The following CSMD1 variants were observed in gnomAD, a reference collection of about 807,000 sequenced individuals.
CSMD1 encodes CUB and sushi domain-containing protein 1.
CSMD1 carries 213 observed loss-of-function variants against 417.5 expected under a neutral mutation model. The ratio of observed to expected loss-of-function variants is 0.51; its 90% CI spans 0.46 to 0.57. The LOEUF (loss-of-function observed/expected upper bound fraction) is 0.57, where lower values mean the gene tolerates loss of function less well. Among genes scored for constraint, CSMD1 ranks in the 20% least tolerant of loss-of-function variants. The pLI is 0.00. For synonymous variants in CSMD1, 2,862 were observed against 1,736.8 expected (o/e 1.65, Z -16.11); for missense variants, 6,923 against 4,529.7 (o/e 1.53, Z -15.17).
intron 5 of CSMD1, among the ~76,000 whole-genome samples, chr8:3,898,643 T>A (rs1463435840): frequency 6.6e-6 from 1 of 152,214 alleles, no homozygotes; most frequent in Non-Finnish European, 1.5e-5. Context: ...TCACTCATTT[T>A]GAATCCACAT....
At chr8:3,674,001 C>T (rs1022871333) in intron 7 of CSMD1, among the ~76,000 whole-genome samples, 1 of 152,078 alleles carries the variant, frequency 6.6e-6, no homozygotes, top group Non-Finnish European at 1.5e-5. Context: ...GCCTGTGGTC[C>T]CAGCCACTGT....
At chr8:3,929,394 G>A (rs550928361) in intron 5 of CSMD1, among the ~76,000 whole-genome samples, 3 of 150,424 alleles carry the variant, frequency 2.0e-5, no homozygotes, top group South Asian at 2.1e-4. Flanking sequence ...CACAGCCAAG[G>A]GTGACAATGT....
rs1317415112 is a variant in CSMD1 at position 4,361,295 on chromosome 8, A to G, written c.415+58658T>C. Among the ~76,000 whole-genome samples the G allele has an allele frequency of 1.1e-4, 17 of 152,224 alleles. 1 individual carries two copies. The highest frequency in any genetic ancestry group is 1.1e-3 in the Admixed American group (17 of 15,286). On this transcript the variant is annotated intron_variant, in intron 3 of 69. Coordinates refer to ENST00000635120, the MANE Select transcript of CSMD1 (RefSeq NM_033225.6). ...ACTACTTACTCATAAATAATACAAG[A>G]TAAAGAAACTTATTTTTAAAATATT...
intron 1 of CSMD1, among the ~76,000 whole-genome samples, chr8:4,910,327 T>C (rs58787067): frequency 0.015 from 2,222 of 152,314 alleles, 61 homozygotes; most frequent in African/African-American, 0.051. Context: ...TTTCTGTCAA[T>C]GTTGATGATG....
chr8:3,737,855 T>G (rs1796602491), intron 6 of CSMD1, among the ~76,000 whole-genome samples: 1 of 152,252 alleles, frequency 6.6e-6, no homozygotes, highest in Non-Finnish European at 1.5e-5. Flanking sequence ...CATTTAATGT[T>G]AAGTCAGCCT....
chr8:3,182,689 G>GTGTGTC (rs1821434836), intron 36 of CSMD1, among the ~76,000 whole-genome samples: 1 of 126,768 alleles, frequency 7.9e-6, no homozygotes, highest in Admixed American at 8.5e-5. Context: ...GTGTGTGTGT[G>GTGTGTC]TGTGTATGTG....
chr8:4,931,516 A>T (rs12334680), intron 1 of CSMD1, among the ~76,000 whole-genome samples: 1 of 152,156 alleles, frequency 6.6e-6, no homozygotes, highest in Non-Finnish European at 1.5e-5. Flanking sequence ...GTATCCATGA[A>T]CCATCCAACG....
chr8:3,543,703 G>A (rs1798539431), intron 10 of CSMD1, among the ~76,000 whole-genome samples: 1 of 152,160 alleles, frequency 6.6e-6, no homozygotes, highest in African/African-American at 2.4e-5. Flanking sequence ...TTTTGTAGAG[G>A]AGACCCAGAG....
At chr8:4,803,440 G>A (rs1798419495) in intron 1 of CSMD1, among the ~76,000 whole-genome samples, 1 of 152,162 alleles carries the variant, frequency 6.6e-6, no homozygotes, top group African/African-American at 2.4e-5. Context: ...TTTATAGGAA[G>A]GGGTTTTGCA....
chr8:4,827,797 C>T (rs888662568), intron 1 of CSMD1, among the ~76,000 whole-genome samples: 1 of 152,106 alleles, frequency 6.6e-6, no homozygotes, highest in African/African-American at 2.4e-5. Flanking sequence ...CTGCTTAAAC[C>T]CCTGGAAAAT....
intron 1 of CSMD1, among the ~76,000 whole-genome samples, chr8:4,864,330 A>G (rs967632218): frequency 2.6e-5 from 4 of 151,790 alleles, no homozygotes; most frequent in African/African-American, 9.7e-5. Context: ...CAAATTGACG[A>G]CATATAATTA....
At chr8:4,203,168 G>C (rs918342535) in intron 3 of CSMD1, among the ~76,000 whole-genome samples, 1 of 152,162 alleles carries the variant, frequency 6.6e-6, no homozygotes. Flanking sequence ...AGAGGGACAT[G>C]TCATTTAAAA....
intron 41 of CSMD1, among the ~76,000 whole-genome samples, chr8:3,136,327 G>T (rs888969964): frequency 6.7e-6 from 1 of 149,954 alleles, no homozygotes; most frequent in Non-Finnish European, 1.5e-5. Context: ...CATGATCTCG[G>T]CTCACTACAA....
intron 7 of CSMD1, among the ~76,000 whole-genome samples, chr8:3,636,509 G>A (rs964324683): frequency 6.6e-6 from 1 of 152,156 alleles, no homozygotes; most frequent in Non-Finnish European, 1.5e-5. Flanking sequence ...GTCTATCTAA[G>A]CCAGTCAAAC....
At chr8:4,170,664 A>G (rs968963278) in intron 3 of CSMD1, among the ~76,000 whole-genome samples, 3 of 152,028 alleles carry the variant, frequency 2.0e-5, no homozygotes, top group East Asian at 3.9e-4. Context: ...GAGAAGTAGA[A>G]TAAGTTGGAG....
intron 42 of CSMD1, among the ~76,000 whole-genome samples, chr8:3,112,392 C>T (rs1816572559): frequency 6.6e-6 from 1 of 152,256 alleles, no homozygotes; most frequent in South Asian, 2.1e-4. Flanking sequence ...TAGCACCCTT[C>T]CTGTTGGGAA....
At chr8:4,236,681 T>G (rs1415235772) in intron 3 of CSMD1, among the ~76,000 whole-genome samples, 1 of 152,214 alleles carries the variant, frequency 6.6e-6, no homozygotes, top group Non-Finnish European at 1.5e-5. Flanking sequence ...TTTAAACTCT[T>G]CAAGCTTTGG....
chr8:4,085,947 C>T (rs187151873), intron 3 of CSMD1, among the ~76,000 whole-genome samples: 13 of 152,156 alleles, frequency 8.5e-5, no homozygotes, highest in Non-Finnish European at 1.5e-4. Flanking sequence ...TTATTTCTTA[C>T]AAGTGCAAGT....
intron 5 of CSMD1, among the ~76,000 whole-genome samples, chr8:3,989,392 G>A (rs949390375): frequency 2.0e-5 from 3 of 152,146 alleles, no homozygotes; most frequent in Admixed American, 1.3e-4. Context: ...ATGAAAAAAC[G>A]ACAGAGGACA....
Sources: allele counts gnomAD v4.1 joint callset (sites outside exome capture counted in the v4.1 genomes callset), GRCh38; gene constraint gnomAD v4.1.1; transcripts MANE v1.5; gene names NCBI Gene and HGNC (gene_info 2026-07-23, HGNC 2026-07-21).